Variants in OTOA observed in about 807,000 individuals in gnomAD.
OTOA encodes the protein cancer/testis antigen 108.
In OTOA, 70 loss-of-function variants were observed where a neutral mutation model predicts 110.8. The observed-to-expected ratio is 0.63, with a 90% CI of 0.52 to 0.77. The LOEUF (loss-of-function observed/expected upper bound fraction) is 0.77, where lower values mean the gene tolerates loss of function less well. OTOA is among the 30% of genes least tolerant of loss of function. The probability of loss-of-function intolerance (pLI) is 0.00; values close to 1 mark genes in which losing one functional copy is unlikely to be tolerated. For missense variants in OTOA, 917 were observed against 1,075.8 expected, an observed-to-expected ratio of 0.85 and a Z score of 2.06; for synonymous variants, 373 against 431.5, an observed-to-expected ratio of 0.86 and a Z score of 1.68.
chr16:21,690,827 T>A (rs544943677), intron 8 of OTOA, among the ~76,000 whole-genome samples: 88 of 152,134 alleles, frequency 5.8e-4, no homozygotes, highest in South Asian at 3.9e-3. Flanking sequence ...TTTTTTTTTT[T>A]AAATATACTT....
intron 21 of OTOA, 76 bp from the exon 22 acceptor site, chr16:21,736,185 A>G (rs1020497582): frequency 1.0e-5 from 14 of 1,352,408 alleles, no homozygotes; most frequent in Non-Finnish European, 1.5e-5. Context: ...GTAGTGTGAC[A>G]GTTTCAACTC....
chr16:21,726,593 T>A lies in OTOA; in HGVS notation c.1951T>A (p.Leu651Met), dbSNP rs763489578. 4.3e-6 allele frequency: 7 copies of A among 1,613,946 alleles called. No homozygotes were observed. The highest frequency in any genetic ancestry group is 5.9e-6 in the Non-Finnish European group (7 of 1,180,014). Residue 651 changes from leucine to methionine, a missense_variant, in exon 19 of 29, where the codon TTG becomes ATG. Physicochemically the swap from Leu to Met is conservative, Grantham distance 15. Around this residue, in one of 6 missense-constraint regions of OTOA, gnomAD observed 840 missense variants for 910.2 expected, o/e 0.92. Transcript: ENST00000646100. Reference sequence around the variant, plus strand: ...TCTGATCAGCCTGGGGAAGAGCTGGTTGGACTCCTTGGTTTTAGATTCCCA... The same window carrying A: ...TCTGATCAGCCTGGGGAAGAGCTGGATGGACTCCTTGGTTTTAGATTCCCA... ...PFLISLGKSWLDSLVLDSHKK... is the reference protein window; with the variant it reads ...PFLISLGKSWMDSLVLDSHKK...
chr16:21,688,098 T>G (rs1897756666), intron 8 of OTOA, among the ~76,000 whole-genome samples: 1 of 152,090 alleles, frequency 6.6e-6, no homozygotes, highest in Non-Finnish European at 1.5e-5. Context: ...GCTTAACATC[T>G]GTAGAGTTAG....
chr16:21,749,967 G>A (rs1899775954), intron 24 of OTOA, among the ~76,000 whole-genome samples: 1 of 145,552 alleles, frequency 6.9e-6, no homozygotes, highest in Non-Finnish European at 1.5e-5. Context: ...TTACAGGTGT[G>A]AGCCACCGTG....
chr16:21,697,856 C>T lies in OTOA; in HGVS notation c.821C>T (p.Thr274Met), dbSNP rs145435704. 85 of 1,613,664 alleles carry T rather than the reference C, an allele frequency of 5.3e-5. No homozygotes were observed. The highest frequency in any genetic ancestry group is 1.6e-4 in the Middle Eastern group (1 of 6,084). ...YMVHLSFEEI[T>M]KISPIEIGLF... is the part of the protein sequence containing the mutation. ...GTTCACCTATCGTTTGAAGAAATTA[C>T]GAAAATTAGTCCTATAGAAGTAAGT... The change falls in exon 10 of 29, where the codon ACG becomes ATG. Residue 274 changes from threonine (T) to methionine (M), a missense_variant. Coordinates refer to ENST00000646100, the MANE Select transcript of OTOA (RefSeq NM_144672.4).
intron 13 of OTOA, among the ~76,000 whole-genome samples, chr16:21,711,432 C>A (rs1363240434): frequency 6.6e-6 from 1 of 151,970 alleles, no homozygotes; most frequent in African/African-American, 2.4e-5. Context: ...CCAGAGGGCT[C>A]CAAATCTGGG....
intron 13 of OTOA, 151 bp from the exon 14 acceptor site, chr16:21,714,833 AG>A: frequency 1.0e-6 from 1 of 969,712 alleles, no homozygotes; most frequent in Non-Finnish European, 1.6e-6. Flanking sequence ...GATAGAAGGA[AG>A]GAAGGCCTGT....
intron 21 of OTOA, among the ~76,000 whole-genome samples, chr16:21,732,246 T>C (rs1043983014): frequency 5.3e-5 from 8 of 152,270 alleles, no homozygotes; most frequent in African/African-American, 1.9e-4. Flanking sequence ...ATTACAGGCG[T>C]GAGCCACCAT....
intron 11 of OTOA, among the ~76,000 whole-genome samples, chr16:21,702,243 C>T (rs1898067759): frequency 6.6e-6 from 1 of 152,202 alleles, no homozygotes; most frequent in Admixed American, 6.5e-5. Context: ...AGCCACTGTG[C>T]TGGGCCATCA....
At chr16:21,674,715 G>A (rs534310755) in intron 1 of OTOA, among the ~76,000 whole-genome samples, 2 of 151,488 alleles carry the variant, frequency 1.3e-5, no homozygotes, top group South Asian at 4.2e-4. Context: ...TTTTCCTAAT[G>A]GCTAACAGTG....
At chr16:21,735,684 C>T (rs408938) in intron 21 of OTOA, among the ~76,000 whole-genome samples, 17 of 152,254 alleles carry the variant, frequency 1.1e-4, no homozygotes, top group African/African-American at 3.1e-4. Flanking sequence ...ACCTCAGCCT[C>T]CTGGGCTCTG....
At chr16:21,730,729 A>C (rs959119071) in intron 20 of OTOA, 108 bp from the exon 21 acceptor site, 3 of 849,428 alleles carry the variant, frequency 3.5e-6, no homozygotes, top group Non-Finnish European at 5.8e-6. Context: ...TGTGATTGAC[A>C]TGAGTATAAG....
chr16:21,727,928 C>G (rs1898975518), intron 19 of OTOA, among the ~76,000 whole-genome samples: 1 of 149,288 alleles, frequency 6.7e-6, no homozygotes, highest in Non-Finnish European at 1.5e-5. Context: ...ATGGCATGAT[C>G]ATCTAGGCTC....
chr16:21,673,489 A>G (rs1167627025), intron 1 of OTOA, among the ~76,000 whole-genome samples: 2 of 152,162 alleles, frequency 1.3e-5, no homozygotes, highest in Non-Finnish European at 2.9e-5. Flanking sequence ...CCCCATGGCA[A>G]ATACCAATCT....
rs796817169 is a variant in OTOA, at chr16:21,701,156, A to G, written c.980+129A>G. On this transcript the variant is annotated intron_variant, in intron 11 of 28. Coordinates refer to ENST00000646100, the MANE Select transcript of OTOA (RefSeq NM_144672.4). ...GGTCCATCTCTTTGAATAGTCCCAT[A>G]TTTCTCTGTGCATGTGAGGAGAGGT... 5.0e-6 allele frequency: 7 copies of G among 1,386,194 alleles called. No homozygotes were observed. The African/African-American group carries it at 8.5e-5, about 17-fold the overall frequency. 85.9% of individuals were successfully genotyped at this position (1,386,194 alleles called of 1,614,324 possible).
intron 12 of OTOA, among the ~76,000 whole-genome samples, chr16:21,708,641 CAGTTGCCGAACTTAG>C (rs1326667192): frequency 1.3e-5 from 2 of 152,166 alleles, no homozygotes; most frequent in African/African-American, 4.8e-5. Flanking sequence ...CTAGGTAAGG[CAGTTGCCGAACTTAG>C]AGAACCCAGG....
intron 13 of OTOA, among the ~76,000 whole-genome samples, chr16:21,713,906 G>A (rs1208191963): frequency 1.3e-5 from 2 of 152,136 alleles, no homozygotes; most frequent in Admixed American, 1.3e-4. Flanking sequence ...TGATTTTAGG[G>A]AGTTGAGGGA....
intron 11 of OTOA, among the ~76,000 whole-genome samples, chr16:21,704,798 G>A (rs1466883136): frequency 6.6e-6 from 1 of 151,760 alleles, no homozygotes; most frequent in Non-Finnish European, 1.5e-5. Context: ...TGGGGACTGG[G>A]GCAGGTTTTA....
At chr16:21,724,780 A>ATTT (rs1567392450) in intron 18 of OTOA, among the ~76,000 whole-genome samples, 7 of 150,408 alleles carry the variant, frequency 4.7e-5, no homozygotes, top group African/African-American at 9.8e-5. Context: ...TTAATTAATT[A>ATTT]ATTTATTTAT....
Sources: gnomAD v4.1 joint callset for allele counts (sites outside exome capture counted in the v4.1 genomes callset) on GRCh38, gnomAD v4.1.1 for gene constraint, gnomAD v4.1.1 regional missense constraint, MANE v1.5 for transcripts, NCBI Gene and HGNC (gene_info 2026-07-23, HGNC 2026-07-21) for gene names.